The following NEMP2 variants were observed in gnomAD, a reference collection of about 807,000 sequenced individuals.
NEMP2 encodes the protein UPF0571 transmembrane protein.
In NEMP2, 53 loss-of-function variants were observed where a neutral mutation model predicts 54.2. The observed-to-expected ratio is 0.98, with a 90% CI of 0.78 to 1.23. NEMP2 has a LOEUF of 1.23. Ranked by LOEUF, NEMP2 falls within the 50% of genes most tolerant of loss-of-function variation. NEMP2 has a pLI of 0.00. For synonymous variants in NEMP2, 197 were observed against 190.3 expected, an observed-to-expected ratio of 1.04 and a Z score of -0.29; for missense variants, 455 against 511.3, an observed-to-expected ratio of 0.89 and a Z score of 1.06.
At chr2:190,640,575 C>A in the NEMP2 span, among the ~76,000 whole-genome samples, 1 of 152,230 alleles carries the variant, frequency 6.6e-6, no homozygotes, top group East Asian at 1.9e-4. Flanking sequence ...AGTCCAGGTA[C>A]ACGACAATAT....
the NEMP2 span, among the ~76,000 whole-genome samples, chr2:190,601,877 T>C: frequency 6.6e-6 from 1 of 152,232 alleles, no homozygotes; most frequent in East Asian, 1.9e-4. This position sits in a 1 kb window ranked among gnomAD's most constrained non-coding sequence, Gnocchi z 5.8. Context: ...AGTAGCTTGC[T>C]GCATAGTAAA....
chr2:190,437,106 G>T, the NEMP2 span: 4 of 1,614,246 alleles, frequency 2.5e-6, no homozygotes, highest in South Asian at 1.1e-5. The surrounding 1 kb of genome is among the most constrained non-coding windows in gnomAD (Gnocchi z 5.9). Context: ...ATGGAAAGGG[G>T]TGTAAGCCCC....
At chr2:190,602,335 T>G in the NEMP2 span, among the ~76,000 whole-genome samples, 1 of 152,210 alleles carries the variant, frequency 6.6e-6, no homozygotes, top group Non-Finnish European at 1.5e-5. Context: ...CAGGCAGCAT[T>G]TCTGTATTGC....
At chr2:190,625,533 C>G in the NEMP2 span, 2 of 151,988 alleles carry the variant, frequency 1.3e-5, no homozygotes, top group East Asian at 3.9e-4. Flanking sequence ...GAATTGCACA[C>G]GTTGAAAGGA....
At chr2:190,423,261 CT>C in the NEMP2 span, among the ~76,000 whole-genome samples, 1 of 152,180 alleles carries the variant, frequency 6.6e-6, no homozygotes, top group Non-Finnish European at 1.5e-5. This position sits in a 1 kb window ranked among gnomAD's most constrained non-coding sequence, Gnocchi z 4.3. Flanking sequence ...TCATGTTGCC[CT>C]TGTATAGCCA....
At chr2:190,561,897 C>T in the NEMP2 span, among the ~76,000 whole-genome samples, 1 of 152,124 alleles carries the variant, frequency 6.6e-6, no homozygotes, top group African/African-American at 2.4e-5. The surrounding 1 kb of genome is among the most constrained non-coding windows in gnomAD (Gnocchi z 5.4). Context: ...GTCTCAGAGG[C>T]TACCAACTTT....
the NEMP2 span, among the ~76,000 whole-genome samples, chr2:190,422,725 C>T: frequency 6.6e-6 from 1 of 152,136 alleles, no homozygotes; most frequent in African/African-American, 2.4e-5. Context: ...GGTCATTTCA[C>T]TCAGACAACT....
In NEMP2 at chr2:190,525,560, T is replaced by A. The variant is rs1392952928; in HGVS notation, c.98-182A>T. The stretch of plus-strand genomic sequence containing the variant: ...AGGAGGAGACAGATAGAAAATACGA[T>A]AGCCCAAGTGTCAATATTTATGACA... On this transcript the variant is annotated intron_variant, in intron 1 of 8. Transcript: ENST00000409150. This position sits in a 1 kb window ranked among gnomAD's most constrained non-coding sequence, Gnocchi z 5.0. 6.6e-6 allele frequency among the ~76,000 whole-genome samples: 1 copy of A among 152,188 alleles called. No homozygotes were observed. Among genetic ancestry groups the A allele is most frequent in the Non-Finnish European group, 1.5e-5 (1 of 68,042 alleles).
chr2:190,540,481 G>A, the NEMP2 span, among the ~76,000 whole-genome samples: 2 of 152,058 alleles, frequency 1.3e-5, no homozygotes, highest in African/African-American at 4.8e-5. Flanking sequence ...GTAGAGATAG[G>A]GTCTCACTAT....
the NEMP2 span, among the ~76,000 whole-genome samples, chr2:190,549,904 C>T: frequency 6.6e-6 from 1 of 152,248 alleles, no homozygotes; most frequent in African/African-American, 2.4e-5. Flanking sequence ...CTTGGTTCTA[C>T]CTGGTTGGTT....
chr2:190,513,722 T>A lies in NEMP2; in HGVS notation c.953+731A>T, dbSNP rs1690452418. On this transcript the variant is annotated intron_variant, in intron 7 of 8. Coordinates refer to ENST00000409150, the MANE Select transcript of NEMP2 (RefSeq NM_001142645.2). This position sits in a 1 kb window ranked among gnomAD's most constrained non-coding sequence, Gnocchi z 5.3. ...TTATTCGTCTGGTTATTTTTATTCATTCTTTAAGATTCAGCGTAGTAATAT... is the reference window on the plus strand; with the variant it reads ...TTATTCGTCTGGTTATTTTTATTCAATCTTTAAGATTCAGCGTAGTAATAT... 6.6e-6 allele frequency among the ~76,000 whole-genome samples: 1 copy of A among 152,250 alleles called. No homozygotes were observed. The highest frequency in any genetic ancestry group is 6.5e-5 in the Admixed American group (1 of 15,280).
chr2:190,599,037 GGGCCAGGACTTGTGCCAACTT>G, the NEMP2 span, among the ~76,000 whole-genome samples: 1 of 152,090 alleles, frequency 6.6e-6, no homozygotes, highest in Non-Finnish European at 1.5e-5. Context: ...CAAGGAGTAT[GGGCCAGGACTTGTGCCAACTT>G]TAAGCAGATT....
the NEMP2 span, among the ~76,000 whole-genome samples, chr2:190,637,199 T>A: frequency 2.6e-5 from 4 of 152,234 alleles, no homozygotes; most frequent in Non-Finnish European, 5.9e-5. This position sits in a 1 kb window ranked among gnomAD's most constrained non-coding sequence, Gnocchi z 4.5. Context: ...AAAGCATAAA[T>A]GTGCAGTTCA....
In NEMP2 at chr2:190,519,146, T is replaced by C. The variant is rs1690668404; in HGVS notation, c.251A>G (p.Tyr84Cys). Residue 84 changes from tyrosine to cysteine, a missense_variant, in exon 3 of 9, where the codon TAT becomes TGT. This residue lies in a region of NEMP2 where 61 missense variants were observed against 97.5 expected (regional missense o/e 0.63). Transcript: ENST00000409150. This position sits in a 1 kb window ranked among gnomAD's most constrained non-coding sequence, Gnocchi z 5.4. ...TTGGCAATTATGTCTTTCTGCGATA[T>C]ATACAATTCTGAACAGGCCTGGACT... ...ITSPGLFRIV[Y>C]IAERHNCQYP... The C allele has an allele frequency of 6.5e-7, 1 of 1,550,286 alleles. No homozygotes were observed. Among genetic ancestry groups the C allele is most frequent in the Non-Finnish European group, 8.7e-7 (1 of 1,146,924 alleles).
chr2:190,441,291 C>A, the NEMP2 span, among the ~76,000 whole-genome samples: 1 of 152,000 alleles, frequency 6.6e-6, no homozygotes, highest in Non-Finnish European at 1.5e-5. Flanking sequence ...CTCAACTCAC[C>A]AAGAGAGCTT....
the NEMP2 span, among the ~76,000 whole-genome samples, chr2:190,566,124 A>G: frequency 6.6e-6 from 1 of 152,134 alleles, no homozygotes; most frequent in Non-Finnish European, 1.5e-5. Flanking sequence ...AGTCTGGGGC[A>G]ACTAGTCCCT....
At chr2:190,580,041 T>C in the NEMP2 span, among the ~76,000 whole-genome samples, 1 of 152,180 alleles carries the variant, frequency 6.6e-6, no homozygotes, top group Non-Finnish European at 1.5e-5. This position sits in a 1 kb window ranked among gnomAD's most constrained non-coding sequence, Gnocchi z 5.3. Flanking sequence ...TTCAGTCTAA[T>C]GTACTTTGAA....
the NEMP2 span, among the ~76,000 whole-genome samples, chr2:190,569,380 A>G: frequency 7.5e-6 from 1 of 134,094 alleles, no homozygotes; most frequent in Non-Finnish European, 1.6e-5. Flanking sequence ...TTGTGAGGCC[A>G]TTACCTTGAG....
the NEMP2 span, among the ~76,000 whole-genome samples, chr2:190,442,164 CTTAA>C: frequency 6.6e-6 from 1 of 152,162 alleles, no homozygotes; most frequent in Non-Finnish European, 1.5e-5. Flanking sequence ...TAAAAGATGA[CTTAA>C]TTCTCATAGT....
Sources: allele counts gnomAD v4.1 joint callset (sites outside exome capture counted in the v4.1 genomes callset), GRCh38; gene constraint gnomAD v4.1.1; regional missense constraint gnomAD v4.1.1; non-coding constraint Gnocchi (gnomAD v3.1); transcripts MANE v1.5; gene names NCBI Gene and HGNC (gene_info 2026-07-23, HGNC 2026-07-21).